Variants in CFAP61 observed in about 807,000 individuals in gnomAD.
CFAP61 encodes the protein cilia- and flagella-associated protein 61.
Under a neutral mutation model 135.6 loss-of-function variants are expected in CFAP61, and 107 were observed. The observed-to-expected ratio is 0.79, with a 90% CI of 0.67 to 0.93. The LOEUF is 0.93. CFAP61 is among the 40% of genes least tolerant of loss of function. The pLI, the probability that CFAP61 is intolerant of heterozygous loss-of-function variation, is 0.00. For missense variants in CFAP61, 1,507 were observed against 1,556.2 expected, an observed-to-expected ratio of 0.97 and a Z score of 0.53; for synonymous variants, 575 against 578.5, an observed-to-expected ratio of 0.99 and a Z score of 0.09.
At chr20:20,084,114 T>A (rs1307813607) in intron 6 of CFAP61, among the ~76,000 whole-genome samples, 2 of 152,154 alleles carry the variant, frequency 1.3e-5, no homozygotes, top group African/African-American at 4.8e-5. Flanking sequence ...GTTGAGATGG[T>A]GTTCATGGTA....
chr20:20,197,409 C>T (rs2056365788), intron 16 of CFAP61, among the ~76,000 whole-genome samples: 2 of 152,180 alleles, frequency 1.3e-5, no homozygotes, highest in Non-Finnish European at 2.9e-5. Context: ...CCTCCCATCC[C>T]ACTTTAGTGT....
At chr20:20,231,159 A>G (rs1171365034) in intron 18 of CFAP61, among the ~76,000 whole-genome samples, 1 of 152,180 alleles carries the variant, frequency 6.6e-6, no homozygotes, top group Non-Finnish European at 1.5e-5. Flanking sequence ...ACTCCCTGAT[A>G]TTCCCTAGGA....
intron 8 of CFAP61, among the ~76,000 whole-genome samples, chr20:20,103,429 A>C (rs1173389379): frequency 6.6e-6 from 1 of 152,152 alleles, no homozygotes; most frequent in Non-Finnish European, 1.5e-5. Flanking sequence ...AATTTTGTCC[A>C]AGCATAAGGA....
At chr20:20,068,607 T>C (rs2045482150) in intron 2 of CFAP61, among the ~76,000 whole-genome samples, 2 of 152,306 alleles carry the variant, frequency 1.3e-5, no homozygotes, top group African/African-American at 2.4e-5. Flanking sequence ...GAAGGGACAG[T>C]GGCTGCAGGC....
chr20:20,095,978 T>C (rs966568833), intron 7 of CFAP61, among the ~76,000 whole-genome samples: 7 of 152,214 alleles, frequency 4.6e-5, no homozygotes, highest in Admixed American at 1.3e-4. Flanking sequence ...CTAAACCTTA[T>C]GTGTCATGAT....
chr20:20,224,717 T>C (rs1163015474), intron 17 of CFAP61, among the ~76,000 whole-genome samples: 1 of 152,148 alleles, frequency 6.6e-6, no homozygotes, highest in Admixed American at 6.6e-5. Flanking sequence ...AATAATCTCT[T>C]TGTCTAAAAT....
At chr20:20,111,706 A>G in intron 8 of CFAP61, among the ~76,000 whole-genome samples, 1 of 152,220 alleles carries the variant, frequency 6.6e-6, no homozygotes, top group East Asian at 1.9e-4. Flanking sequence ...GAAAAATAAG[A>G]TATTTCATTT....
At position 20,360,250 on chromosome 20, in the gene CFAP61, T is replaced by G; in HGVS notation, c.3554T>G (p.Ile1185Arg). 6.2e-7 allele frequency: 1 copy of G among 1,613,878 alleles called. No individual in the cohort carries two copies. The highest frequency in any genetic ancestry group is 1.3e-5 in the African/African-American group (1 of 75,002). ...TCCATAGAGCAGTTAGCCCATCAAA[T>G]AGAAGATGAGGAAATCAACCCGACT... is the stretch of plus-strand genomic sequence containing the variant. ...LPSIEQLAHQ[I>R]EDEEINPTEK... The change falls in exon 27 of 27, where the codon ATA becomes AGA. Residue 1185 changes from isoleucine to arginine, a missense_variant. Physicochemically the swap from Ile to Arg is moderately conservative, Grantham distance 97 (BLOSUM62 -3). Coordinates refer to ENST00000245957, the MANE Select transcript of CFAP61 (RefSeq NM_015585.4).
chr20:20,328,477 C>T (rs2057848967), intron 25 of CFAP61, among the ~76,000 whole-genome samples: 1 of 152,156 alleles, frequency 6.6e-6, no homozygotes, highest in South Asian at 2.1e-4. Context: ...TTGGCCTTGG[C>T]CTTGACTTTT....
chr20:20,292,368 G>T (rs948038556), intron 24 of CFAP61, among the ~76,000 whole-genome samples: 1 of 152,112 alleles, frequency 6.6e-6, no homozygotes, highest in African/African-American at 2.4e-5. Flanking sequence ...TAGTTGCCCT[G>T]TACACATGAT....
intron 25 of CFAP61, among the ~76,000 whole-genome samples, chr20:20,340,790 G>A (rs1335707235): frequency 6.6e-6 from 1 of 152,178 alleles, no homozygotes; most frequent in African/African-American, 2.4e-5. Context: ...ACAGCTGGAT[G>A]AACATACCAC....
Position 20,359,177 on chromosome 20 carries a change from C to T in CFAP61, c.3514-1033C>T, listed in dbSNP as rs1043164118. Reference sequence around the variant, plus strand: ...GTACCTATGTGCAGCATAAGATTCTCAGCTTCAAACAACTTTATTCTTTCT... The same window carrying T: ...GTACCTATGTGCAGCATAAGATTCTTAGCTTCAAACAACTTTATTCTTTCT... On this transcript the variant is annotated intron_variant, in intron 26 of 26. Coordinates refer to ENST00000245957, the MANE Select transcript of CFAP61 (RefSeq NM_015585.4). The surrounding 1 kb of genome is among the most constrained non-coding windows in gnomAD (Gnocchi z 4.0). Among the ~76,000 whole-genome samples, 5 of 152,174 alleles carry T rather than the reference C, an allele frequency of 3.3e-5. No individual in the cohort carries two copies. The highest frequency in any genetic ancestry group is 6.5e-5 in the Admixed American group (1 of 15,274).
intron 26 of CFAP61, among the ~76,000 whole-genome samples, chr20:20,348,585 A>G (rs941557554): frequency 6.6e-6 from 1 of 150,382 alleles, no homozygotes; most frequent in Non-Finnish European, 1.5e-5. Flanking sequence ...AGCCACTCAC[A>G]AGGCTGAGGC....
chr20:20,169,527 T>A, intron 13 of CFAP61, 67 bp downstream of exon 13: 2 of 1,313,990 alleles, frequency 1.5e-6, no homozygotes, highest in South Asian at 2.1e-5. Flanking sequence ...AACAAGGAAC[T>A]CCCTGCTATT....
intron 25 of CFAP61, among the ~76,000 whole-genome samples, chr20:20,329,023 C>T (rs890932202): frequency 3.9e-5 from 6 of 152,172 alleles, no homozygotes; most frequent in Non-Finnish European, 7.3e-5. Flanking sequence ...TTTGTTTACA[C>T]GCCAGGTTCC....
intron 7 of CFAP61, among the ~76,000 whole-genome samples, chr20:20,096,694 T>G (rs760814593): frequency 2.6e-5 from 4 of 152,214 alleles, no homozygotes; most frequent in Non-Finnish European, 2.9e-5. Flanking sequence ...TCTGCACATA[T>G]GGTAGATGGA....
At chr20:20,310,602 T>C (rs527742770) in intron 25 of CFAP61, among the ~76,000 whole-genome samples, 3 of 152,170 alleles carry the variant, frequency 2.0e-5, no homozygotes, top group Non-Finnish European at 2.9e-5. Context: ...ATTCCTTCAA[T>C]GGGCTGGAGG....
chr20:20,291,249 A>AT (rs1236682931), intron 24 of CFAP61, among the ~76,000 whole-genome samples: 1 of 152,224 alleles, frequency 6.6e-6, no homozygotes, highest in Non-Finnish European at 1.5e-5. Context: ...ATAATGACAC[A>AT]TATCCACCAT....
At chr20:20,158,845 TAAATC>T (rs1416587479) in intron 9 of CFAP61, among the ~76,000 whole-genome samples, 10 of 152,330 alleles carry the variant, frequency 6.6e-5, no homozygotes, top group South Asian at 2.1e-4. Flanking sequence ...GGTGTACACA[TAAATC>T]AAAGCTTTTC....
Sources: allele counts gnomAD v4.1 joint callset (sites outside exome capture counted in the v4.1 genomes callset), GRCh38; gene constraint gnomAD v4.1.1; non-coding constraint Gnocchi (gnomAD v3.1); transcripts MANE v1.5; gene names NCBI Gene and HGNC (gene_info 2026-07-23, HGNC 2026-07-21).